Variants in KLHL8 observed in about 807,000 individuals in gnomAD.
KLHL8 encodes the protein kelch like family member 8.
In KLHL8, 38 loss-of-function variants were observed where a neutral mutation model predicts 63.5. The ratio of observed to expected loss-of-function variants is 0.60; its 90% CI spans 0.46 to 0.78. KLHL8 has a LOEUF of 0.78. Among genes scored for constraint, KLHL8 ranks in the 30% least tolerant of loss-of-function variants. The pLI is 0.00. For missense variants in KLHL8, 566 were observed against 752.4 expected (o/e 0.75, Z 2.90); for synonymous variants, 224 against 254.3 (o/e 0.88, Z 1.13).
chr4:87,189,430 G>C (rs1438499578), intron 2 of KLHL8, among the ~76,000 whole-genome samples: 1 of 152,096 alleles, frequency 6.6e-6, no homozygotes, highest in Non-Finnish European at 1.5e-5. Flanking sequence ...TTAGACTTTT[G>C]TTTAAAAAGC....
intron 8 of KLHL8, chr4:87,167,198 C>T: frequency 1.9e-6 from 1 of 536,536 alleles, no homozygotes; most frequent in Non-Finnish European, 3.6e-6. Flanking sequence ...CACCCCCACA[C>T]TAAGTCTTCA....
intron 1 of KLHL8, among the ~76,000 whole-genome samples, chr4:87,218,758 G>T (rs1402954729): frequency 6.6e-6 from 1 of 151,532 alleles, no homozygotes; most frequent in Non-Finnish European, 1.5e-5. Flanking sequence ...TTTTTGAGAT[G>T]GAGTCTCACT....
intron 6 of KLHL8, among the ~76,000 whole-genome samples, chr4:87,174,558 C>A (rs1379917715): frequency 6.6e-6 from 1 of 152,168 alleles, no homozygotes; most frequent in Admixed American, 6.5e-5. Flanking sequence ...GGATTACAGG[C>A]ATGAGCCACC....
chr4:87,205,579 C>A (rs916943844), intron 1 of KLHL8, among the ~76,000 whole-genome samples: 3 of 152,154 alleles, frequency 2.0e-5, no homozygotes, highest in Non-Finnish European at 2.9e-5. Flanking sequence ...CGCCTCAGCA[C>A]CCCCTGCCCA....
Position 87,161,580 on chromosome 4 carries a change from A to G in KLHL8, c.*1939T>C, listed in dbSNP as rs940301609. On this transcript the variant is annotated 3_prime_UTR_variant, in exon 10 of 10. Coordinates refer to ENST00000273963, the MANE Select transcript of KLHL8 (RefSeq NM_020803.5). ...ACATTTTAAATAATCTCAGGAAACA[A>G]TAACAAGATCCTCTCCCCGAAAATA... The G allele has an allele frequency of 1.3e-5, 2 of 152,240 alleles. No homozygotes were observed. The highest frequency in any genetic ancestry group is 4.8e-5 in the African/African-American group (2 of 41,464). The allele number at this position is 152,240 out of a possible 1,614,324, so 9.4% of individuals were successfully genotyped here. A position where few individuals can be genotyped will look rare whatever the true frequency, so the allele number is the denominator to read the frequency against.
intron 6 of KLHL8, among the ~76,000 whole-genome samples, chr4:87,172,717 C>T (rs1730681602): frequency 1.3e-5 from 2 of 152,124 alleles, no homozygotes; most frequent in South Asian, 4.1e-4. Flanking sequence ...TTTTCTCTAT[C>T]TCAATTTCTA....
At chr4:87,206,346 A>C (rs543790699) in intron 1 of KLHL8, among the ~76,000 whole-genome samples, 34 of 152,306 alleles carry the variant, frequency 2.2e-4, no homozygotes, top group African/African-American at 7.9e-4. Context: ...CAAACTGCTT[A>C]ATGTATGTAG....
chr4:87,226,795 A>T (rs1733007745), intron 1 of KLHL8, among the ~76,000 whole-genome samples: 1 of 13,262 alleles, frequency 7.5e-5, no homozygotes, highest in South Asian at 1.9e-3. Context: ...AATATATATT[A>T]TATATAATAT....
chr4:87,200,464 T>C (rs553383572), intron 1 of KLHL8, among the ~76,000 whole-genome samples: 39 of 152,372 alleles, frequency 2.6e-4, no homozygotes, highest in African/African-American at 8.9e-4. Flanking sequence ...ATTATTTTTA[T>C]TGGATTTAAA....
intron 1 of KLHL8, among the ~76,000 whole-genome samples, chr4:87,201,069 T>C (rs1185897380): frequency 3.3e-5 from 5 of 152,200 alleles, no homozygotes; most frequent in East Asian, 1.9e-4. Context: ...ATTCCACTTA[T>C]ATGAGATATC....
At chr4:87,196,882 C>T (rs1422815521) in intron 1 of KLHL8, among the ~76,000 whole-genome samples, 1 of 152,158 alleles carries the variant, frequency 6.6e-6, no homozygotes, top group Non-Finnish European at 1.5e-5. Flanking sequence ...CCTCATGGCA[C>T]TATCCTGAGA....
At chr4:87,228,466 T>C (rs1733072591) in intron 1 of KLHL8, among the ~76,000 whole-genome samples, 1 of 152,228 alleles carries the variant, frequency 6.6e-6, no homozygotes, top group Non-Finnish European at 1.5e-5. Context: ...AACCGTATTA[T>C]ACTTGATTGG....
intron 1 of KLHL8, among the ~76,000 whole-genome samples, chr4:87,196,381 C>G (rs1044313715): frequency 5.3e-5 from 8 of 152,038 alleles, no homozygotes; most frequent in African/African-American, 1.9e-4. Flanking sequence ...AATGCAATGC[C>G]AAAACAGAAG....
intron 1 of KLHL8, among the ~76,000 whole-genome samples, chr4:87,205,902 T>C (rs1395457132): frequency 2.6e-5 from 4 of 152,206 alleles, no homozygotes; most frequent in Non-Finnish European, 5.9e-5. Context: ...CCCCAGCCTG[T>C]GCTATTAACT....
chr4:87,186,579 G>C (rs982924315), intron 2 of KLHL8, among the ~76,000 whole-genome samples: 1 of 150,782 alleles, frequency 6.6e-6, no homozygotes, highest in African/African-American at 2.4e-5. Flanking sequence ...TGCTGGGCTC[G>C]AGCAATCCCC....
chr4:87,207,843 CA>C, intron 1 of KLHL8: 1 of 1,479,468 alleles, frequency 6.8e-7, no homozygotes, highest in Non-Finnish European at 9.4e-7. Context: ...AAAAACCTGC[CA>C]AATATGATGA....
intron 1 of KLHL8, among the ~76,000 whole-genome samples, chr4:87,198,749 A>G (rs1250924237): frequency 6.6e-6 from 1 of 152,244 alleles, no homozygotes; most frequent in Non-Finnish European, 1.5e-5. Context: ...AGTAGTGATC[A>G]TATGAATCTC....
At chr4:87,223,584 C>T (rs1189512761), upstream of KLHL8, among the ~76,000 whole-genome samples, 2 of 151,984 alleles carry the variant, frequency 1.3e-5, no homozygotes, top group African/African-American at 4.8e-5. Context: ...AAAAGGTATG[C>T]ATGGGGTGGC....
chr4:87,207,919 C>G, intron 1 of KLHL8: 1 of 1,268,608 alleles, frequency 7.9e-7, no homozygotes, highest in Non-Finnish European at 1.1e-6. Flanking sequence ...CTACACTGAG[C>G]ACCAGGCTGT....
Sources: allele counts gnomAD v4.1 joint callset (sites outside exome capture counted in the v4.1 genomes callset), GRCh38; gene constraint gnomAD v4.1.1; transcripts MANE v1.5; gene names NCBI Gene and HGNC (gene_info 2026-07-23, HGNC 2026-07-21).